The following CRY2 variants were observed in gnomAD, a reference collection of about 807,000 sequenced individuals.
CRY2 encodes the protein cryptochrome circadian regulator 2.
Under a neutral mutation model 69.5 loss-of-function variants are expected in CRY2, and 31 were observed. The ratio of observed to expected loss-of-function variants is 0.45; its 90% confidence interval spans 0.34 to 0.60. The LOEUF (loss-of-function observed/expected upper bound fraction) is 0.60, where lower values mean the gene tolerates loss of function less well. CRY2 is among the 20% of genes least tolerant of loss of function. CRY2 has a pLI of 0.02. For synonymous variants in CRY2, 303 were observed against 312.2 expected (o/e 0.97, Z 0.31); for missense variants, 606 against 797.8 (o/e 0.76, Z 2.90).
chr11:45,872,304 C>A, intron 11 of CRY2, 71 bp downstream of exon 11: 1 of 1,421,540 alleles, frequency 7.0e-7, no homozygotes, highest in Non-Finnish European at 9.8e-7. Flanking sequence ...GCCCTGCCAG[C>A]TGCAGGTTGA....
chr11:45,867,779 G>A (rs2086343291), intron 6 of CRY2, 27 bp downstream of exon 6: 3 of 1,613,620 alleles, frequency 1.9e-6, no homozygotes, highest in Admixed American at 1.7e-5. Context: ...TGCCCACATT[G>A]CACCTAAGGC....
intron 11 of CRY2, among the ~76,000 whole-genome samples, chr11:45,876,220 CT>C (rs1451861535): frequency 6.6e-6 from 1 of 151,886 alleles, no homozygotes; most frequent in Non-Finnish European, 1.5e-5. Flanking sequence ...TTGAGGTCTC[CT>C]TTAGCTCTGA....
intron 5 of CRY2, among the ~76,000 whole-genome samples, chr11:45,862,369 T>TAAGC (rs1200751991): frequency 6.6e-6 from 1 of 152,076 alleles, no homozygotes; most frequent in Non-Finnish European, 1.5e-5. Context: ...ATTTCTGGGT[T>TAAGC]AAGCACCTGC....
At chr11:45,857,152 G>A (rs2086246849) in intron 2 of CRY2, among the ~76,000 whole-genome samples, 1 of 152,218 alleles carries the variant, frequency 6.6e-6, no homozygotes, top group East Asian at 1.9e-4. Flanking sequence ...ACATAATTGT[G>A]CATACATGTA....
intron 3 of CRY2, 70 bp from the exon 4 acceptor site, chr11:45,860,778 T>C: frequency 6.5e-7 from 1 of 1,544,202 alleles, no homozygotes; most frequent in Non-Finnish European, 8.8e-7. Flanking sequence ...TCTGGGTTCT[T>C]TTTTGGGTGG....
At chr11:45,867,203 C>A (rs2086338092) in intron 5 of CRY2, among the ~76,000 whole-genome samples, 1 of 152,188 alleles carries the variant, frequency 6.6e-6, no homozygotes, top group Non-Finnish European at 1.5e-5. Flanking sequence ...CTCAGGGCCG[C>A]TAGTGACTAG....
chr11:45,857,858 G>A (rs187367133), intron 2 of CRY2, among the ~76,000 whole-genome samples: 1 of 152,340 alleles, frequency 6.6e-6, no homozygotes, highest in African/African-American at 2.4e-5. Context: ...TCGAATGAGG[G>A]ATAACTGGCC....
upstream of CRY2, chr11:45,847,150 G>C: frequency 6.5e-7 from 1 of 1,537,676 alleles, no homozygotes. Context: ...TGAACAGGAC[G>C]TGGGTAAGAG....
chr11:45,879,530 A>C (rs1376120358), intron 11 of CRY2, among the ~76,000 whole-genome samples: 1 of 152,268 alleles, frequency 6.6e-6, no homozygotes. Context: ...AGTCTTAATG[A>C]GCAATACTAT....
rs1391732069 is a variant in CRY2, at chr11:45,870,043, C to A, written c.1195-10C>A. The A allele has an allele frequency of 6.3e-7, 1 of 1,587,716 alleles. No homozygotes were observed. Among genetic ancestry groups the A allele is most frequent in the African/African-American group, 1.3e-5 (1 of 74,354 alleles). ...CCCCAAGGAGGCTGATCATCCCCTC[C>A]CCTATCTAGGTATTTGATGAGCTGC... On this transcript the variant is annotated splice_polypyrimidine_tract_variant and intron_variant, in intron 7 of 11. Transcript: ENST00000616080.
intron 1 of CRY2, among the ~76,000 whole-genome samples, chr11:45,853,832 C>T (rs569547492): frequency 2.6e-5 from 4 of 152,238 alleles, no homozygotes; most frequent in African/African-American, 9.6e-5. Flanking sequence ...TGTTCCTTTT[C>T]TGGAGGTGAC....
In CRY2 at chr11:45,882,547, C is replaced by A; in HGVS notation, c.*1636C>A. On this transcript the variant is annotated 3_prime_UTR_variant, in exon 12 of 12. Transcript: ENST00000616080. Reference sequence around the variant, plus strand: ...TCTTCCTGAGATATCCTCAGGTTTTCTCAGCCAGAGAGCTGCCTTTAGAGT... The same window carrying A: ...TCTTCCTGAGATATCCTCAGGTTTTATCAGCCAGAGAGCTGCCTTTAGAGT... 1 of 398,950 alleles carries A rather than the reference C, an allele frequency of 2.5e-6. No homozygotes were observed. The highest frequency in any genetic ancestry group is 4.4e-6 in the Non-Finnish European group (1 of 226,054). 24.7% of individuals were successfully genotyped at this position (398,950 alleles called of 1,614,324 possible).
rs1341146241 is a variant in CRY2, at chr11:45,870,498, G to T, written c.1515G>T (p.Gln505His). The T allele has an allele frequency of 6.2e-7, 1 of 1,614,210 alleles. No homozygotes were observed. The highest frequency in any genetic ancestry group is 8.5e-7 in the Non-Finnish European group (1 of 1,180,044). Residue 505 changes from glutamine (Q) to histidine (H), a missense_variant, in exon 9 of 12, where the codon CAG becomes CAT. This residue lies in a region of CRY2 where 173 missense variants were observed against 213.7 expected (regional missense o/e 0.81). Coordinates refer to ENST00000616080, the MANE Select transcript of CRY2 (RefSeq NM_021117.5). ...GGCTTAACATTGAACGAATGAAGCA[G>T]ATTTACCAGCAGCTTTCGCGCTACC... ...TSRLNIERMK[Q>H]IYQQLSRYRG...
At chr11:45,866,801 G>A (rs1431970348) in intron 5 of CRY2, among the ~76,000 whole-genome samples, 2 of 152,084 alleles carry the variant, frequency 1.3e-5, no homozygotes, top group Non-Finnish European at 2.9e-5. Context: ...GTGGAAATAG[G>A]CCGGGCACAG....
chr11:45,847,530 G>T lies in CRY2; in HGVS notation c.40G>T (p.Ala14Ser), dbSNP rs533776841. Residue 14 changes from alanine to serine, a missense_variant, in exon 1 of 12, where the codon GCG becomes TCG. This residue lies in a region of CRY2 where 45 missense variants were observed against 35.7 expected (regional missense o/e 1.26). Transcript: ENST00000616080. ...GGCGACGGCGGCAGCTGTGGCCCCG[G>T]CGCCAGCGCCCGGCACGGACAGCGC... ...TVATAAAVAP[A>S]PAPGTDSASS... 6.3e-7 allele frequency: 1 copy of T among 1,586,952 alleles called. No individual in the cohort carries two copies. The highest frequency in any genetic ancestry group is 1.1e-5 in the South Asian group (1 of 88,544).
chr11:45,865,934 A>G (rs898903524), intron 5 of CRY2, among the ~76,000 whole-genome samples: 1 of 152,224 alleles, frequency 6.6e-6, no homozygotes, highest in African/African-American at 2.4e-5. Flanking sequence ...GAGTGGACGC[A>G]GGGAGGCCAG....
intron 5 of CRY2, among the ~76,000 whole-genome samples, chr11:45,867,272 TAG>T (rs753155499): frequency 6.6e-6 from 1 of 152,216 alleles, no homozygotes; most frequent in Non-Finnish European, 1.5e-5. Flanking sequence ...GCTGTATAAT[TAG>T]AGAGTTCATT....
intron 1 of CRY2, among the ~76,000 whole-genome samples, chr11:45,855,652 T>A (rs2086233485): frequency 6.6e-6 from 1 of 152,180 alleles, no homozygotes; most frequent in Non-Finnish European, 1.5e-5. Flanking sequence ...TGCTAAATGT[T>A]TTTCACACAT....
chr11:45,863,076 G>A (rs190490511), intron 5 of CRY2, among the ~76,000 whole-genome samples: 71 of 152,342 alleles, frequency 4.7e-4, no homozygotes, highest in East Asian at 2.1e-3. Flanking sequence ...AGCCCTGGAG[G>A]TGTCCAGTCA....
Sources: allele counts gnomAD v4.1 joint callset (sites outside exome capture counted in the v4.1 genomes callset), GRCh38; gene constraint gnomAD v4.1.1; regional missense constraint gnomAD v4.1.1; transcripts MANE v1.5; gene names NCBI Gene and HGNC (gene_info 2026-07-23, HGNC 2026-07-21).